The following PHF5A variants were observed in gnomAD, a reference collection of about 807,000 sequenced individuals.
PHF5A encodes PHD finger protein 5A, also known as PHD finger-like domain-containing protein 5A.
For missense variants in PHF5A, 24 were observed against 140.6 expected (o/e 0.17, Z 4.19); for synonymous variants, 52 against 46.0 (o/e 1.13, Z -0.52).
intron 2 of PHF5A, 156 bp downstream of exon 2, chr22:41,467,968 T>C (rs1052016390): frequency 8.4e-6 from 6 of 714,896 alleles, no homozygotes; most frequent in Non-Finnish European, 1.2e-5. Flanking sequence ...CAAGCGGCAG[T>C]GGGGAGTTAG....
At chr22:41,464,551 T>C (rs755209984) in intron 3 of PHF5A, among the ~76,000 whole-genome samples, 9 of 152,178 alleles carry the variant, frequency 5.9e-5, no homozygotes, top group Non-Finnish European at 1.3e-4. Context: ...GGAAGTGACA[T>C]CTAGAATAAG....
At chr22:41,467,008 C>G (rs1444577137) in intron 3 of PHF5A, among the ~76,000 whole-genome samples, 1 of 145,170 alleles carries the variant, frequency 6.9e-6, no homozygotes, top group Non-Finnish European at 1.5e-5. Flanking sequence ...AAACAAAAAA[C>G]AAGAAGCAAA....
At chr22:41,468,378 C>T in intron 1 of PHF5A, 1 of 653,432 alleles carries the variant, frequency 1.5e-6, no homozygotes, top group Non-Finnish European at 2.6e-6. Context: ...GGACCTGGTT[C>T]AGACCCCACC....
At chr22:41,461,488 T>TG (rs921881902) in intron 3 of PHF5A, among the ~76,000 whole-genome samples, 2 of 146,502 alleles carry the variant, frequency 1.4e-5, no homozygotes, top group African/African-American at 5.1e-5. Context: ...CCCGAGTAGC[T>TG]GGGACTACAG....
In PHF5A at chr22:41,461,274, C is replaced by T. The variant is rs189597569; in HGVS notation, c.244-787G>A. On this transcript the variant is annotated intron_variant, in intron 3 of 3. Transcript: ENST00000216252. ...GATCTATCATCAATAATTTACTAAA[C>T]ACCTAAGAATGTGCTCAGGGCCTGC... is the stretch of plus-strand genomic sequence containing the variant. Among the ~76,000 whole-genome samples the T allele has an allele frequency of 5.0e-4, 76 of 152,314 alleles. 1 individual carries two copies. Among genetic ancestry groups the T allele is most frequent in the Middle Eastern group, 6.8e-3 (2 of 294 alleles).
At chr22:41,462,786 T>C (rs1052971230) in intron 3 of PHF5A, among the ~76,000 whole-genome samples, 1 of 152,008 alleles carries the variant, frequency 6.6e-6, no homozygotes, top group Non-Finnish European at 1.5e-5. Context: ...ACTATCCTTA[T>C]AGATACCCAA....
In PHF5A at chr22:41,460,378, A is replaced by G. The variant is rs1601863692; in HGVS notation, c.*20T>C. On this transcript the variant is annotated 3_prime_UTR_variant, in exon 4 of 4. Transcript: ENST00000216252. Reference sequence around the variant, plus strand: ...GCTGCAGCAGACTGATGTTGGGGGGAGGAAGGGGCCACCCACCAATCACCT... The same window carrying G: ...GCTGCAGCAGACTGATGTTGGGGGGGGGAAGGGGCCACCCACCAATCACCT... 5 of 1,573,792 alleles carry G rather than the reference A, an allele frequency of 3.2e-6. No individual in the cohort carries two copies. The highest frequency in any genetic ancestry group is 1.3e-5 in the African/African-American group (1 of 74,074).
At chr22:41,465,746 G>T (rs568989289) in intron 3 of PHF5A, among the ~76,000 whole-genome samples, 24 of 152,234 alleles carry the variant, frequency 1.6e-4, no homozygotes, top group African/African-American at 5.3e-4. Flanking sequence ...TGGGCATAGT[G>T]GCATGCACCT....
intron 3 of PHF5A, among the ~76,000 whole-genome samples, chr22:41,464,911 G>C (rs559593926): frequency 2.0e-5 from 3 of 152,272 alleles, no homozygotes; most frequent in African/African-American, 7.2e-5. Flanking sequence ...CAAAATACAA[G>C]TACCATGCTT....
rs530833127 is a variant in PHF5A at position 41,464,181 on chromosome 22, A to G, written c.243+3267T>C. Among the ~76,000 whole-genome samples the G allele has an allele frequency of 7.9e-5, 12 of 152,368 alleles. No individual in the cohort carries two copies. In the South Asian group the frequency reaches 1.0e-3, roughly 13 times the overall value. ...TAAGGGGATTACATGATGTGGCACC[A>G]TAAGAACCTACAAATCAGTCCTCTG... On this transcript the variant is annotated intron_variant, in intron 3 of 3. Coordinates refer to ENST00000216252, the MANE Select transcript of PHF5A (RefSeq NM_032758.4).
At chr22:41,464,074 T>C (rs905269556) in intron 3 of PHF5A, among the ~76,000 whole-genome samples, 5 of 152,188 alleles carry the variant, frequency 3.3e-5, no homozygotes, top group African/African-American at 1.2e-4. Context: ...AAGAGCTTCA[T>C]AAATGTTAGT....
chr22:41,466,018 T>C (rs1238161456), intron 3 of PHF5A, among the ~76,000 whole-genome samples: 1 of 152,210 alleles, frequency 6.6e-6, no homozygotes, highest in East Asian at 1.9e-4. Flanking sequence ...TTTCACAAAC[T>C]TATTGTGAGG....
At chr22:41,467,771 A>G (rs1248771650) in intron 2 of PHF5A, among the ~76,000 whole-genome samples, 157 bp from the exon 3 acceptor site, 1 of 152,172 alleles carries the variant, frequency 6.6e-6, no homozygotes, top group Non-Finnish European at 1.5e-5. Flanking sequence ...TGGTTTCCCC[A>G]GTGTCCATCT....
intron 1 of PHF5A, 65 bp downstream of exon 1, chr22:41,468,536 AC>A: frequency 6.4e-7 from 1 of 1,551,024 alleles, no homozygotes; most frequent in Non-Finnish European, 8.9e-7. Flanking sequence ...AGAGACGGGA[AC>A]CCCCGACCCC....
At chr22:41,468,361 T>C (rs1023175362) in intron 1 of PHF5A, 13 of 649,154 alleles carry the variant, frequency 2.0e-5, no homozygotes, top group Non-Finnish European at 3.5e-5. Context: ...AAGCTCAGAG[T>C]TTCTCTGGAC....
intron 1 of PHF5A, 33 bp downstream of exon 1, chr22:41,468,569 G>C (rs1462089020): frequency 6.2e-7 from 1 of 1,612,630 alleles, no homozygotes; most frequent in Non-Finnish European, 8.5e-7. Context: ...TACCACCCCT[G>C]CCCAGACAGC....
At position 41,468,393 on chromosome 22, in the gene PHF5A, G is replaced by A. The variant is rs2037891710; in HGVS notation, c.52+209C>T. 9.9e-6 allele frequency: 6 copies of A among 607,494 alleles called. No homozygotes were observed. The East Asian group carries it at 1.2e-4, about 12-fold the overall frequency. 37.6% of individuals were successfully genotyped at this position (607,494 alleles called of 1,614,324 possible). ...GGACCTGGTTCAGACCCCACCCCCC[G>A]ATACCTGCCTGGGGCTCCCAGCACG... On this transcript the variant is annotated intron_variant, in intron 1 of 3. Transcript: ENST00000216252.
At chr22:41,464,329 G>A (rs764067205) in intron 3 of PHF5A, among the ~76,000 whole-genome samples, 10 of 152,146 alleles carry the variant, frequency 6.6e-5, no homozygotes, top group Non-Finnish European at 1.5e-4. Flanking sequence ...GAAAGTTGCA[G>A]GAAGACAATA....
At chr22:41,465,774 G>A (rs1568994964) in intron 3 of PHF5A, among the ~76,000 whole-genome samples, 5 of 152,132 alleles carry the variant, frequency 3.3e-5, no homozygotes. Flanking sequence ...CAGCTACTCG[G>A]GAGGCTGAGG....
Sources: gnomAD v4.1 joint callset for allele counts (sites outside exome capture counted in the v4.1 genomes callset) on GRCh38, gnomAD v4.1.1 for gene constraint, MANE v1.5 for transcripts, NCBI Gene and HGNC (gene_info 2026-07-23, HGNC 2026-07-21) for gene names.